RBPMS: variants seen among roughly 807,000 people sequenced by gnomAD.
RBPMS encodes the protein RNA binding protein, mRNA processing factor.
RBPMS carries 7 observed loss-of-function variants against 26.8 expected under a neutral mutation model. The observed-to-expected ratio is 0.26, with a 90% CI of 0.15 to 0.49. The LOEUF (loss-of-function observed/expected upper bound fraction) is 0.49. RBPMS is among the 20% of genes least tolerant of loss of function. The pLI, the probability that RBPMS is intolerant of heterozygous loss-of-function variation, is 0.98. For missense variants in RBPMS, 186 were observed against 250.0 expected (o/e 0.74, Z 1.73); for synonymous variants, 96 against 93.3 (o/e 1.03, Z -0.17).
At position 30,572,139 on chromosome 8, in the gene RBPMS, A is replaced by AGAT. The variant is rs1828277994; in HGVS notation, c.*1617_*1619dup. On this transcript the variant is annotated 3_prime_UTR_variant, in exon 9 of 9. Coordinates refer to ENST00000397323, the MANE Select transcript of RBPMS (RefSeq NM_001008710.3). The stretch of plus-strand genomic sequence containing the variant: ...CCTCAGTGCCAATCGGCTCTTGGTG[A>AGAT]GATGACTGTACTCCTAAGGAAAATA... 6.6e-6 allele frequency: 1 copy of AGAT among 152,238 alleles called. No individual in the cohort carries two copies. Among genetic ancestry groups the AGAT allele is most frequent in the African/African-American group, 2.4e-5 (1 of 41,458 alleles). 9.4% of individuals were successfully genotyped at this position (152,238 alleles called of 1,614,324 possible).
intron 1 of RBPMS, among the ~76,000 whole-genome samples, chr8:30,465,515 A>G (rs185184969): frequency 6.6e-5 from 10 of 152,316 alleles, no homozygotes; most frequent in Admixed American, 6.5e-4. Flanking sequence ...GGCGGGGCAC[A>G]GTGGCTCACG....
chr8:30,512,120 G>A lies in RBPMS; in HGVS notation c.397+7684G>A, dbSNP rs540076398. 2.6e-5 allele frequency among the ~76,000 whole-genome samples: 4 copies of A among 152,156 alleles called. No homozygotes were observed. In the South Asian group the frequency reaches 8.3e-4, roughly 32 times the overall value. Reference sequence around the variant, plus strand: ...GGGCCTTGCTATGTCACCCATGCTGGCCTAAAAGTCCTGGGTTCAAGCAAT... The same window carrying A: ...GGGCCTTGCTATGTCACCCATGCTGACCTAAAAGTCCTGGGTTCAAGCAAT... On this transcript the variant is annotated intron_variant, in intron 5 of 8. Coordinates refer to ENST00000397323, the MANE Select transcript of RBPMS (RefSeq NM_001008710.3).
intron 1 of RBPMS, among the ~76,000 whole-genome samples, chr8:30,414,544 C>T (rs567955980): frequency 1.3e-5 from 2 of 152,294 alleles, no homozygotes; most frequent in African/African-American, 4.8e-5. Flanking sequence ...ATATGTATCA[C>T]TGGTCATGAG....
chr8:30,455,231 G>C (rs1815062686), intron 1 of RBPMS, among the ~76,000 whole-genome samples: 1 of 152,152 alleles, frequency 6.6e-6, no homozygotes. Context: ...GACCATTTCT[G>C]TGAAATAATT....
chr8:30,566,008 C>T (rs1012877169), intron 7 of RBPMS: 2 of 152,598 alleles, frequency 1.3e-5, no homozygotes, highest in African/African-American at 4.8e-5. Flanking sequence ...CGCTGGCCCC[C>T]AGAAGCCTCC....
chr8:30,551,067 G>T (rs945840598), intron 6 of RBPMS, among the ~76,000 whole-genome samples: 1 of 152,284 alleles, frequency 6.6e-6, no homozygotes, highest in South Asian at 2.1e-4. Flanking sequence ...GTTACAGCTT[G>T]TACTTGGGGA....
intron 5 of RBPMS, among the ~76,000 whole-genome samples, chr8:30,532,538 A>G (rs1429914521): frequency 6.6e-6 from 1 of 152,196 alleles, no homozygotes; most frequent in East Asian, 1.9e-4. Context: ...AGATTAGGTA[A>G]GTTATCCAAT....
At chr8:30,483,798 A>G (rs1563362737) in intron 4 of RBPMS, among the ~76,000 whole-genome samples, 1 of 151,870 alleles carries the variant, frequency 6.6e-6, no homozygotes, top group Non-Finnish European at 1.5e-5. Flanking sequence ...GGTAATCTCT[A>G]ATCTGCTTGC....
chr8:30,478,964 A>G (rs879772004), intron 3 of RBPMS, among the ~76,000 whole-genome samples: 3 of 152,238 alleles, frequency 2.0e-5, no homozygotes, highest in Non-Finnish European at 4.4e-5. Flanking sequence ...TAAAAGATGA[A>G]GAAACTGAGG....
At chr8:30,555,122 C>T (rs1196305180) in intron 6 of RBPMS, among the ~76,000 whole-genome samples, 2 of 152,182 alleles carry the variant, frequency 1.3e-5, no homozygotes, top group African/African-American at 4.8e-5. Flanking sequence ...GTGGGTACCG[C>T]TTTCTCTAGC....
intron 1 of RBPMS, among the ~76,000 whole-genome samples, chr8:30,392,715 C>T (rs16876917): frequency 0.021 from 3,184 of 152,116 alleles, 93 homozygotes; most frequent in African/African-American, 0.06. Flanking sequence ...GTCAGATGTG[C>T]GGGAGAGAAG....
At position 30,389,311 on chromosome 8, in the gene RBPMS, C is replaced by T. The variant is rs193103362; in HGVS notation, c.66+4153C>T. Among the ~76,000 whole-genome samples the T allele has an allele frequency of 1.4e-3, 216 of 152,306 alleles. 1 individual carries two copies. The highest frequency in any genetic ancestry group is 3.4e-3 in the African/African-American group (141 of 41,570). On this transcript the variant is annotated intron_variant, in intron 1 of 8. Coordinates refer to ENST00000397323, the MANE Select transcript of RBPMS (RefSeq NM_001008710.3). ...GCGGTTTAAACATTTCCCTGATAAA[C>T]CCTTGTGTGCATCTGCAGTCTTCTT... is the stretch of plus-strand genomic sequence containing the variant.
intron 5 of RBPMS, among the ~76,000 whole-genome samples, chr8:30,514,877 T>A (rs768635068): frequency 3.3e-5 from 5 of 151,886 alleles, no homozygotes; most frequent in Non-Finnish European, 7.4e-5. Flanking sequence ...ATTTAGAAGA[T>A]CCACATAACT....
chr8:30,453,452 TAAAA>T (rs1329543425), intron 1 of RBPMS, among the ~76,000 whole-genome samples: 1 of 151,980 alleles, frequency 6.6e-6, no homozygotes. Context: ...TCTACTTTTC[TAAAA>T]AAAAGAAACA....
At chr8:30,570,054 AAATT>A (rs1365233132) in intron 8 of RBPMS, among the ~76,000 whole-genome samples, 6 of 152,182 alleles carry the variant, frequency 3.9e-5, no homozygotes, top group Non-Finnish European at 8.8e-5. Context: ...GGTCAGATAC[AAATT>A]GGACAGATTT....
chr8:30,562,667 T>A (rs1827596744), intron 7 of RBPMS, among the ~76,000 whole-genome samples: 1 of 152,190 alleles, frequency 6.6e-6, no homozygotes, highest in Admixed American at 6.5e-5. Flanking sequence ...TAAACATTTT[T>A]AAACCAGAAC....
chr8:30,519,432 C>G (rs1205843229), intron 5 of RBPMS, among the ~76,000 whole-genome samples: 1 of 146,048 alleles, frequency 6.8e-6, no homozygotes, highest in Non-Finnish European at 1.5e-5. Context: ...AGCACTTTCT[C>G]TCACCCTACG....
chr8:30,471,080 T>C (rs917654986), intron 1 of RBPMS, among the ~76,000 whole-genome samples: 1 of 152,192 alleles, frequency 6.6e-6, no homozygotes, highest in Non-Finnish European at 1.5e-5. Context: ...ATATTTATTT[T>C]AGAAAGATGG....
chr8:30,564,719 CAA>C (rs1013815126), intron 7 of RBPMS: 3 of 152,286 alleles, frequency 2.0e-5, no homozygotes, highest in African/African-American at 7.2e-5. Context: ...GGAAGAAGTT[CAA>C]AGAGGGTAGC....
Sources: allele counts gnomAD v4.1 joint callset (sites outside exome capture counted in the v4.1 genomes callset), GRCh38; gene constraint gnomAD v4.1.1; transcripts MANE v1.5; gene names NCBI Gene and HGNC (gene_info 2026-07-23, HGNC 2026-07-21).